The following CADPS variants were observed in gnomAD, a reference collection of about 807,000 sequenced individuals.
CADPS encodes the protein calcium-dependent secretion activator 1.
Under a neutral mutation model 167.3 loss-of-function variants are expected in CADPS, and 57 were observed. The observed-to-expected ratio is 0.34, with a 90% CI of 0.28 to 0.42. The LOEUF (loss-of-function observed/expected upper bound fraction) is 0.42. Among genes scored for constraint, CADPS ranks in the 20% least tolerant of loss-of-function variants. CADPS has a pLI of 1.00. For missense variants in CADPS, 1,414 were observed against 1,738.1 expected (o/e 0.81, Z 3.32); for synonymous variants, 676 against 635.3 (o/e 1.06, Z -0.96).
At chr3:62,585,101 A>G in intron 8 of CADPS, 84 bp downstream of exon 8, 1 of 1,285,746 alleles carries the variant, frequency 7.8e-7, no homozygotes, top group South Asian at 1.3e-5. Context: ...TAGTTCTCTG[A>G]AGATCTTGTG....
chr3:62,596,134 C>G (rs1280598017), intron 6 of CADPS, among the ~76,000 whole-genome samples: 1 of 102,716 alleles, frequency 9.7e-6, no homozygotes, highest in Admixed American at 1.1e-4. Context: ...CACACACACA[C>G]ACACACACAT....
At chr3:62,848,811 G>T (rs1466698637) in intron 1 of CADPS, among the ~76,000 whole-genome samples, 4 of 113,642 alleles carry the variant, frequency 3.5e-5, no homozygotes, top group Admixed American at 9.5e-5. Flanking sequence ...TTCCAATTCT[G>T]TGAAGAAAGT....
At position 62,546,259 on chromosome 3, in the gene CADPS, C is replaced by A. The variant is rs1019213925; in HGVS notation, c.1966+3644G>T. Among the ~76,000 whole-genome samples the A allele has an allele frequency of 2.0e-5, 3 of 151,684 alleles. No individual in the cohort carries two copies. The South Asian group carries it at 6.2e-4, about 31-fold the overall frequency. ...TGTAAGTGAAGAATGAAAATTTGTT[C>A]TTTACAACTATGTTATGACTGTTTT... On this transcript the variant is annotated intron_variant, in intron 11 of 29. Transcript: ENST00000383710.
At chr3:62,653,009 A>G (rs897767126) in intron 4 of CADPS, among the ~76,000 whole-genome samples, 5 of 152,158 alleles carry the variant, frequency 3.3e-5, no homozygotes, top group Non-Finnish European at 7.3e-5. Context: ...GAAGGCTGTC[A>G]TAAGTCTTGT....
chr3:62,570,871 C>T lies in CADPS; in HGVS notation c.1644+1G>A, dbSNP rs2081162988. 6.2e-7 allele frequency: 1 copy of T among 1,600,230 alleles called. No individual in the cohort carries two copies. Among genetic ancestry groups the T allele is most frequent in the South Asian group, 1.1e-5 (1 of 90,796 alleles). On this transcript the variant is annotated splice_donor_variant, in intron 9 of 29. Coordinates refer to ENST00000383710, the MANE Select transcript of CADPS (RefSeq NM_003716.4). LOFTEE classifies it high-confidence loss of function. ...CTCTTAAGAGTTGAAGAGTTAGTTA[C>T]CTGCACCAATACAAAAAACCTTTTC...
At chr3:62,700,341 G>A (rs1466998553) in intron 3 of CADPS, among the ~76,000 whole-genome samples, 4 of 152,070 alleles carry the variant, frequency 2.6e-5, no homozygotes, top group Non-Finnish European at 5.9e-5. Context: ...TGAAAACTTG[G>A]TCATAAAGAG....
chr3:62,503,414 A>G (rs930189684), intron 17 of CADPS, among the ~76,000 whole-genome samples: 2 of 152,228 alleles, frequency 1.3e-5, no homozygotes, highest in African/African-American at 4.8e-5. Flanking sequence ...AAAGCAATCT[A>G]TGGGACTGAT....
intron 1 of CADPS, among the ~76,000 whole-genome samples, chr3:62,847,261 CT>C (rs202175985): frequency 0.14 from 18,690 of 132,738 alleles, 1,119 homozygotes; most frequent in Middle Eastern, 0.15. Flanking sequence ...GCAGCATTTT[CT>C]TTTTTTTTTT....
At chr3:62,638,023 C>G (rs889626731) in intron 6 of CADPS, among the ~76,000 whole-genome samples, 2 of 150,370 alleles carry the variant, frequency 1.3e-5, no homozygotes, top group Non-Finnish European at 2.9e-5. Context: ...AAGAATAAAG[C>G]CATGATTACA....
intron 6 of CADPS, among the ~76,000 whole-genome samples, chr3:62,615,747 G>C (rs2062171905): frequency 6.6e-6 from 1 of 152,076 alleles, no homozygotes; most frequent in Non-Finnish European, 1.5e-5. Context: ...AGGAATGAGA[G>C]AAGAGAATGA....
intron 1 of CADPS, among the ~76,000 whole-genome samples, chr3:62,770,822 C>T (rs62244513): frequency 0.046 from 7,013 of 152,244 alleles, 213 homozygotes; most frequent in Non-Finnish European, 0.067. Context: ...CCTGGATATT[C>T]CCAAAGTCAT....
At chr3:62,812,601 C>G (rs759893982) in intron 1 of CADPS, among the ~76,000 whole-genome samples, 65 of 152,190 alleles carry the variant, frequency 4.3e-4, no homozygotes, top group Non-Finnish European at 7.5e-4. Flanking sequence ...CTGGCATGTG[C>G]TGCTTCAGGC....
chr3:62,774,704 G>A (rs1392592165), intron 1 of CADPS, among the ~76,000 whole-genome samples: 1 of 152,176 alleles, frequency 6.6e-6, no homozygotes, highest in African/African-American at 2.4e-5. Flanking sequence ...ATCTTTTAGA[G>A]ATGAGTAGAG....
intron 6 of CADPS, chr3:62,626,336 C>T: frequency 2.1e-6 from 1 of 466,524 alleles, no homozygotes; most frequent in Non-Finnish European, 3.7e-6. Context: ...TGCAAGCTGG[C>T]ACGGATTTAC....
chr3:62,610,671 G>A (rs66497704), intron 6 of CADPS, among the ~76,000 whole-genome samples: 1 of 152,194 alleles, frequency 6.6e-6, no homozygotes, highest in Non-Finnish European at 1.5e-5. Flanking sequence ...TGATGGACTT[G>A]CTTGTAGAGG....
At chr3:62,518,593 A>C (rs932430885) in intron 13 of CADPS, among the ~76,000 whole-genome samples, 1 of 152,166 alleles carries the variant, frequency 6.6e-6, no homozygotes, top group Non-Finnish European at 1.5e-5. Context: ...AAATTAGGGA[A>C]GTTTGAGAAT....
At chr3:62,745,062 G>T (rs1024058695) in intron 3 of CADPS, among the ~76,000 whole-genome samples, 2 of 151,036 alleles carry the variant, frequency 1.3e-5, no homozygotes, top group African/African-American at 4.9e-5. Flanking sequence ...TTTGTCCCTA[G>T]TAACTGAGTA....
At chr3:62,795,654 T>C (rs561023646) in intron 1 of CADPS, among the ~76,000 whole-genome samples, 2 of 152,182 alleles carry the variant, frequency 1.3e-5, no homozygotes, top group South Asian at 2.1e-4. Context: ...GTGCCAGACA[T>C]TGGAGGTCAA....
intron 16 of CADPS, among the ~76,000 whole-genome samples, chr3:62,515,056 A>G (rs2068662000): frequency 6.6e-6 from 1 of 152,126 alleles, no homozygotes; most frequent in Non-Finnish European, 1.5e-5. Context: ...AACACTGTGA[A>G]TTTGACATAA....
Sources: allele counts gnomAD v4.1 joint callset (sites outside exome capture counted in the v4.1 genomes callset), GRCh38; gene constraint gnomAD v4.1.1; transcripts MANE v1.5; gene names NCBI Gene and HGNC (gene_info 2026-07-23, HGNC 2026-07-21).